The following CNTNAP5 variants were observed in gnomAD, a reference collection of about 807,000 sequenced individuals.
The protein encoded by CNTNAP5 is contactin associated protein family member 5.
In CNTNAP5, 72 loss-of-function variants were observed where a neutral mutation model predicts 150.2. The observed-to-expected ratio is 0.48, with a 90% CI of 0.40 to 0.58. CNTNAP5 has a LOEUF of 0.58. Among genes scored for constraint, CNTNAP5 ranks in the 20% least tolerant of loss-of-function variants. The pLI, the probability that CNTNAP5 is intolerant of heterozygous loss-of-function variation, is 0.00. For synonymous variants in CNTNAP5, 672 were observed against 619.8 expected (o/e 1.08, Z -1.25); for missense variants, 1,636 against 1,626.2 (o/e 1.01, Z -0.10).
chr2:124,233,831 T>A (rs752731636), intron 2 of CNTNAP5, among the ~76,000 whole-genome samples: 20 of 151,342 alleles, frequency 1.3e-4, no homozygotes, highest in Non-Finnish European at 2.7e-4. Flanking sequence ...TGGTAGACAC[T>A]AACCATACTA....
intron 6 of CNTNAP5, among the ~76,000 whole-genome samples, chr2:124,451,297 T>A (rs1692976372): frequency 6.6e-6 from 1 of 151,602 alleles, no homozygotes; most frequent in South Asian, 2.1e-4. Context: ...AGATGTTTAA[T>A]CTCTGAGAAT....
intron 3 of CNTNAP5, among the ~76,000 whole-genome samples, chr2:124,277,497 T>C (rs986522048): frequency 4.6e-5 from 7 of 152,150 alleles, no homozygotes; most frequent in South Asian, 2.1e-4. Context: ...TTTATTCCTG[T>C]CTCCATGAAA....
chr2:124,360,622 T>C (rs1021233481), intron 3 of CNTNAP5, among the ~76,000 whole-genome samples: 1 of 136,982 alleles, frequency 7.3e-6, no homozygotes, highest in Non-Finnish European at 1.6e-5. Flanking sequence ...TCTTTAAGAA[T>C]GTTGAATATT....
chr2:124,671,358 G>T (rs573731744), intron 13 of CNTNAP5, among the ~76,000 whole-genome samples: 1 of 152,240 alleles, frequency 6.6e-6, no homozygotes, highest in African/African-American at 2.4e-5. Context: ...CTACATTTTT[G>T]CTCCTGAGCT....
intron 3 of CNTNAP5, among the ~76,000 whole-genome samples, chr2:124,398,380 C>T (rs1298624245): frequency 1.3e-5 from 2 of 151,912 alleles, no homozygotes; most frequent in African/African-American, 2.4e-5. Flanking sequence ...GGGAACATCT[C>T]GCAGTTTGAT....
At chr2:124,151,409 T>C (rs1238684780) in intron 1 of CNTNAP5, among the ~76,000 whole-genome samples, 3 of 152,182 alleles carry the variant, frequency 2.0e-5, no homozygotes, top group African/African-American at 7.2e-5. Context: ...CAGGACTTGG[T>C]AAGTGCTGCT....
At chr2:124,140,195 G>C (rs1473315583) in intron 1 of CNTNAP5, among the ~76,000 whole-genome samples, 5 of 149,270 alleles carry the variant, frequency 3.3e-5, no homozygotes, top group Non-Finnish European at 6.0e-5. Context: ...ACTGCAAGGC[G>C]GCAACGAGGC....
intron 13 of CNTNAP5, among the ~76,000 whole-genome samples, chr2:124,658,028 C>G (rs1678495766): frequency 6.6e-6 from 1 of 152,178 alleles, no homozygotes; most frequent in South Asian, 2.1e-4. Context: ...TTGTCTCATT[C>G]TTTATTCCCA....
intron 3 of CNTNAP5, among the ~76,000 whole-genome samples, chr2:124,297,139 G>T (rs1688453582): frequency 6.6e-6 from 1 of 152,296 alleles, no homozygotes; most frequent in Admixed American, 6.5e-5. Flanking sequence ...TCCACAGAAA[G>T]TTAGAGCCAC....
At chr2:124,506,684 T>A (rs1490311204) in intron 8 of CNTNAP5, among the ~76,000 whole-genome samples, 1 of 152,162 alleles carries the variant, frequency 6.6e-6, no homozygotes, top group East Asian at 1.9e-4. Flanking sequence ...CAAACTGAAT[T>A]GTATTAGTTA....
At chr2:124,203,963 T>C (rs1302867946) in intron 1 of CNTNAP5, among the ~76,000 whole-genome samples, 1 of 152,230 alleles carries the variant, frequency 6.6e-6, no homozygotes, top group African/African-American at 2.4e-5. Flanking sequence ...TGGCTTGAAT[T>C]TCTCATCAAA....
intron 3 of CNTNAP5, among the ~76,000 whole-genome samples, chr2:124,264,389 TACACACACACACACACACAC>T (rs200429155): frequency 3.9e-5 from 5 of 126,630 alleles, no homozygotes; most frequent in South Asian, 2.5e-4. Flanking sequence ...CACACACACA[TACACACACACACACACACAC>T]ACACACACAC....
intron 21 of CNTNAP5, among the ~76,000 whole-genome samples, chr2:124,878,098 T>C (rs1677897187): frequency 6.6e-6 from 1 of 152,080 alleles, no homozygotes; most frequent in Non-Finnish European, 1.5e-5. Flanking sequence ...ATATGAAAAT[T>C]TCACACAATG....
intron 5 of CNTNAP5, among the ~76,000 whole-genome samples, chr2:124,435,515 GA>G (rs1033838188): frequency 6.6e-6 from 1 of 150,524 alleles, no homozygotes; most frequent in African/African-American, 2.4e-5. Flanking sequence ...GAGATAAGCT[GA>G]AAAAAAAAGT....
At chr2:124,345,119 G>A (rs991045464) in intron 3 of CNTNAP5, among the ~76,000 whole-genome samples, 4 of 152,222 alleles carry the variant, frequency 2.6e-5, no homozygotes, top group African/African-American at 9.6e-5. Context: ...CGTGGGAGAA[G>A]AAAGTAGACA....
At chr2:124,481,979 C>A (rs185211530) in intron 7 of CNTNAP5, among the ~76,000 whole-genome samples, 2 of 152,154 alleles carry the variant, frequency 1.3e-5, no homozygotes, top group Non-Finnish European at 2.9e-5. Flanking sequence ...ATACAGGAGA[C>A]GGCTTATCCT....
chr2:124,037,522 T>C (rs571733043), intron 1 of CNTNAP5, among the ~76,000 whole-genome samples: 1 of 152,326 alleles, frequency 6.6e-6, no homozygotes, highest in East Asian at 1.9e-4. Flanking sequence ...GGAAATTCTG[T>C]CATTTGTGAC....
intron 2 of CNTNAP5, among the ~76,000 whole-genome samples, chr2:124,230,988 C>G (rs767398058): frequency 4.1e-4 from 62 of 152,084 alleles, no homozygotes; most frequent in Non-Finnish European, 6.6e-4. Context: ...CTATGCTTTC[C>G]TCTGTTTCAT....
intron 20 of CNTNAP5, among the ~76,000 whole-genome samples, chr2:124,868,248 G>A (rs934703911): frequency 2.0e-5 from 3 of 151,994 alleles, no homozygotes; most frequent in Non-Finnish European, 2.9e-5. Flanking sequence ...TTCCTTTCTC[G>A]TACAGAGAAA....
Sources: allele counts gnomAD v4.1 joint callset (sites outside exome capture counted in the v4.1 genomes callset), GRCh38; gene constraint gnomAD v4.1.1; transcripts MANE v1.5; gene names NCBI Gene and HGNC (gene_info 2026-07-23, HGNC 2026-07-21).